The following SH3PXD2B variants were observed in gnomAD, a reference collection of about 807,000 sequenced individuals.
SH3PXD2B encodes SH3 and PX domains 2B.
In SH3PXD2B, 37 loss-of-function variants were observed where a neutral mutation model predicts 73.1. That is an observed-to-expected ratio of 0.51 (90% CI 0.39 to 0.67). The LOEUF (loss-of-function observed/expected upper bound fraction) is 0.67, where lower values mean the gene tolerates loss of function less well. Among genes scored for constraint, SH3PXD2B ranks in the 30% least tolerant of loss-of-function variants. The pLI is 0.00. For synonymous variants in SH3PXD2B, 457 were observed against 480.5 expected, an observed-to-expected ratio of 0.95 and a Z score of 0.64; for missense variants, 1,053 against 1,197.8, an observed-to-expected ratio of 0.88 and a Z score of 1.78.
At chr5:172,386,865 C>A (rs1051891130) in intron 4 of SH3PXD2B, among the ~76,000 whole-genome samples, 3 of 152,100 alleles carry the variant, frequency 2.0e-5, no homozygotes, top group South Asian at 2.1e-4. Flanking sequence ...TGGGCTCAAG[C>A]GATCCACCTG....
At chr5:172,388,637 C>T (rs897821031) in intron 4 of SH3PXD2B, among the ~76,000 whole-genome samples, 2 of 152,144 alleles carry the variant, frequency 1.3e-5, no homozygotes, top group Non-Finnish European at 2.9e-5. Flanking sequence ...TTTTCAAAAC[C>T]AAAAGTCCAG....
At chr5:172,329,078 TATA>T (rs1276415621), downstream of SH3PXD2B, among the ~76,000 whole-genome samples, 29 of 89,786 alleles carry the variant, frequency 3.2e-4, no homozygotes, top group African/African-American at 1.2e-3. Flanking sequence ...TATATATATA[TATA>T]TATTTTTTTT....
intron 11 of SH3PXD2B, 23 bp downstream of exon 11, chr5:172,347,260 C>T (rs1176923209): frequency 6.2e-7 from 1 of 1,613,880 alleles, no homozygotes; most frequent in Non-Finnish European, 8.5e-7. Context: ...GTGGCCACTC[C>T]CCAGTAGCGA....
intron 1 of SH3PXD2B, among the ~76,000 whole-genome samples, chr5:172,442,241 G>T (rs1317857498): frequency 6.6e-6 from 1 of 152,160 alleles, no homozygotes. Context: ...ACGGTCAGAG[G>T]TCTTAAAAAC....
chr5:172,342,254 C>T (rs1464576014), intron 12 of SH3PXD2B, among the ~76,000 whole-genome samples: 1 of 152,168 alleles, frequency 6.6e-6, no homozygotes, highest in African/African-American at 2.4e-5. Flanking sequence ...ATGTACACTG[C>T]AATTCCCTGG....
chr5:172,387,191 A>T (rs978334696), intron 4 of SH3PXD2B, among the ~76,000 whole-genome samples: 5 of 152,274 alleles, frequency 3.3e-5, no homozygotes, highest in African/African-American at 9.6e-5. Flanking sequence ...GGGCACACAC[A>T]CTCACAAGTG....
downstream of SH3PXD2B, among the ~76,000 whole-genome samples, chr5:172,332,380 A>C (rs992641740): frequency 6.6e-6 from 1 of 151,218 alleles, no homozygotes; most frequent in Non-Finnish European, 1.5e-5. Flanking sequence ...CAGCCTCCCA[A>C]GTAGCTGGGC....
At chr5:172,358,678 A>T in intron 8 of SH3PXD2B, 95 bp downstream of exon 8, 2 of 1,127,042 alleles carry the variant, frequency 1.8e-6, no homozygotes, top group Non-Finnish European at 2.6e-6. Context: ...GCAGAGGCAG[A>T]GGCCAAAAGA....
intron 1 of SH3PXD2B, among the ~76,000 whole-genome samples, chr5:172,432,393 A>C (rs184001331): frequency 6.6e-6 from 1 of 152,300 alleles, no homozygotes; most frequent in East Asian, 1.9e-4. Context: ...GTACAAATGC[A>C]GCACTCATAG....
rs1757210489 is a variant in SH3PXD2B at position 172,353,785 on chromosome 5, C to T, written c.785+103G>A. 5.6e-6 allele frequency: 5 copies of T among 894,104 alleles called. No homozygotes were observed. In the Admixed American group the frequency reaches 6.8e-5, roughly 12 times the overall value. The allele number at this position is 894,104 out of a possible 1,614,324, so 55.4% of individuals were successfully genotyped here. On this transcript the variant is annotated intron_variant, in intron 9 of 12. Coordinates refer to ENST00000311601, the MANE Select transcript of SH3PXD2B (RefSeq NM_001017995.3). The surrounding 1 kb of genome is among the most constrained non-coding windows in gnomAD (Gnocchi z 4.3). The stretch of plus-strand genomic sequence containing the variant: ...TTCAGGCGGAAACTTCGCCCAGATG[C>T]AATCACTTACCGACCTCTGTGAGGC...
intron 3 of SH3PXD2B, 91 bp from the exon 4 acceptor site, chr5:172,394,730 G>T: frequency 2.2e-6 from 3 of 1,369,532 alleles, no homozygotes; most frequent in Non-Finnish European, 3.1e-6. Flanking sequence ...GGTTCCTAGG[G>T]TAGGTCTGAG....
At chr5:172,382,937 C>T (rs913917164) in intron 4 of SH3PXD2B, among the ~76,000 whole-genome samples, 1 of 151,452 alleles carries the variant, frequency 6.6e-6, no homozygotes, top group Non-Finnish European at 1.5e-5. Flanking sequence ...AGGGTTTCGG[C>T]ATGTTGGCCA....
intron 6 of SH3PXD2B, among the ~76,000 whole-genome samples, chr5:172,368,498 ATATATATATATATAAAATATATATATAT>A (rs1757588540): frequency 5.1e-4 from 3 of 5,834 alleles, no homozygotes; most frequent in Non-Finnish European, 9.1e-4. Flanking sequence ...TATATATATT[ATATATATATATATAAAATATATATATAT>A]TATATATATA....
At chr5:172,362,893 C>G (rs1395528389) in intron 6 of SH3PXD2B, 24 bp from the exon 7 acceptor site, 15 of 1,613,728 alleles carry the variant, frequency 9.3e-6, no homozygotes, top group Non-Finnish European at 1.3e-5. Flanking sequence ...ACAGACATGA[C>G]ATCTGGCCAC....
rs565926570 is a variant in SH3PXD2B, at chr5:172,350,056, T to C, written c.1012+307A>G. ...TTTTAGTAGAGACGGGGTTTCACCA[T>C]GTTGGCCAGGCTGGTCTTGAACTCC... On this transcript the variant is annotated intron_variant, in intron 10 of 12. Transcript: ENST00000311601. Among the ~76,000 whole-genome samples the C allele has an allele frequency of 3.3e-5, 5 of 152,280 alleles. No individual in the cohort carries two copies. In the East Asian group the frequency reaches 5.8e-4, roughly 18 times the overall value.
At chr5:172,450,228 GT>G (rs572065068) in intron 1 of SH3PXD2B, among the ~76,000 whole-genome samples, 13 of 150,832 alleles carry the variant, frequency 8.6e-5, no homozygotes, top group African/African-American at 3.2e-4. Flanking sequence ...CAAGAAAGCT[GT>G]TAAAAAAAAT....
chr5:172,381,511 C>G (rs1170103546), intron 5 of SH3PXD2B, among the ~76,000 whole-genome samples: 1 of 152,164 alleles, frequency 6.6e-6, no homozygotes, highest in African/African-American at 2.4e-5. Context: ...CGACAGGCGT[C>G]TGGGCAAGTG....
intron 1 of SH3PXD2B, among the ~76,000 whole-genome samples, chr5:172,446,835 C>T (rs901147384): frequency 1.3e-5 from 2 of 152,246 alleles, no homozygotes; most frequent in Non-Finnish European, 2.9e-5. Flanking sequence ...AGGGCCTGGA[C>T]TTGCTGAGCA....
intron 9 of SH3PXD2B, among the ~76,000 whole-genome samples, chr5:172,351,768 G>T (rs921670229): frequency 1.4e-5 from 2 of 144,472 alleles, no homozygotes; most frequent in Admixed American, 1.4e-4. Flanking sequence ...ATAGCATTGG[G>T]TTTTAATGCA....
Sources: gnomAD v4.1 joint callset for allele counts (sites outside exome capture counted in the v4.1 genomes callset) on GRCh38, gnomAD v4.1.1 for gene constraint, Gnocchi (gnomAD v3.1) non-coding constraint, MANE v1.5 for transcripts, NCBI Gene and HGNC (gene_info 2026-07-23, HGNC 2026-07-21) for gene names.